ABCB4: variants seen among roughly 807,000 people sequenced by gnomAD.
ABCB4 encodes phosphatidylcholine translocator ABCB4.
ABCB4 carries 76 observed loss-of-function variants against 145.7 expected under a neutral mutation model. The ratio of observed to expected loss-of-function variants is 0.52; its 90% CI spans 0.43 to 0.63. The LOEUF (loss-of-function observed/expected upper bound fraction) is 0.63, where lower values mean the gene tolerates loss of function less well. Ranked by LOEUF, ABCB4 falls within the 30% of genes least tolerant of loss-of-function variation. The pLI is 0.00. For missense variants in ABCB4, 1,234 were observed against 1,553.1 expected (o/e 0.79, Z 3.45); for synonymous variants, 517 against 566.8 (o/e 0.91, Z 1.25).
intron 23 of ABCB4, among the ~76,000 whole-genome samples, chr7:87,410,001 T>C (rs1261267114): frequency 6.6e-6 from 1 of 152,216 alleles, no homozygotes; most frequent in Non-Finnish European, 1.5e-5. Flanking sequence ...TGACATGGTC[T>C]GTACACCAAA....
intron 3 of ABCB4, among the ~76,000 whole-genome samples, chr7:87,471,247 G>A (rs1369559770): frequency 1.4e-4 from 22 of 152,068 alleles, no homozygotes; most frequent in Admixed American, 1.4e-3. Context: ...GATAGCATTA[G>A]GAGATATACC....
chr7:87,467,200 G>A (rs1449900416), intron 3 of ABCB4, among the ~76,000 whole-genome samples: 1 of 152,160 alleles, frequency 6.6e-6, no homozygotes, highest in African/African-American at 2.4e-5. Context: ...AAGGGATGGA[G>A]GAAGATCTAC....
At chr7:87,467,766 G>A (rs1813028704) in intron 3 of ABCB4, among the ~76,000 whole-genome samples, 1 of 152,156 alleles carries the variant, frequency 6.6e-6, no homozygotes, top group African/African-American at 2.4e-5. Context: ...CAACTACATG[G>A]AAACTGAACA....
chr7:87,426,789 T>C lies in ABCB4; in HGVS notation c.2025A>G (p.Gln675=). ...HSTQKNLKNS[Q]MCQKSLDVET... Reference sequence around the variant, plus strand: ...CCACATCAAGGCTCTTCTGACACATTTGTGAATTTTTAAGGTTTTTCTGAG... The same window carrying C: ...CCACATCAAGGCTCTTCTGACACATCTGTGAATTTTTAAGGTTTTTCTGAG... The change falls in exon 16 of 28, where the codon CAA becomes CAG. Residue 675 remains glutamine, a synonymous_variant. Transcript: ENST00000649586. 1.2e-6 allele frequency: 2 copies of C among 1,613,958 alleles called. No homozygotes were observed. The highest frequency in any genetic ancestry group is 1.1e-5 in the South Asian group (1 of 91,082).
chr7:87,415,859 G>A (rs1331087099), intron 21 of ABCB4, among the ~76,000 whole-genome samples: 2 of 152,314 alleles, frequency 1.3e-5, no homozygotes, highest in Non-Finnish European at 2.9e-5. Context: ...ACTTGTCTAA[G>A]AAAAGTTTAT....
intron 11 of ABCB4, 68 bp downstream of exon 11, chr7:87,443,595 C>G: frequency 6.5e-7 from 1 of 1,536,984 alleles, no homozygotes; most frequent in Non-Finnish European, 9.0e-7. Flanking sequence ...ATAATAGAGA[C>G]TTTATTCTTT....
chr7:87,393,211 T>C, the ABCB4 span: 2 of 873,354 alleles, frequency 2.3e-6, no homozygotes, highest in Non-Finnish European at 3.5e-6. Flanking sequence ...CACTTAGGCA[T>C]TTAATGCATA....
upstream of ABCB4, chr7:87,475,849 G>A (rs1446891707): frequency 6.5e-6 from 1 of 153,164 alleles, no homozygotes; most frequent in African/African-American, 2.4e-5. Flanking sequence ...GGCTAGGCGC[G>A]GGCCAGGGGC....
At chr7:87,470,486 A>T (rs1813289696) in intron 3 of ABCB4, among the ~76,000 whole-genome samples, 1 of 152,192 alleles carries the variant, frequency 6.6e-6, no homozygotes, top group Non-Finnish European at 1.5e-5. Context: ...ACAAAGGGCT[A>T]GTATCCAGAA....
At position 87,454,576 on chromosome 7, in the gene ABCB4, C is replaced by A; in HGVS notation, c.303G>T (p.Ser101=). The A allele has an allele frequency of 6.2e-7, 1 of 1,610,506 alleles. No individual in the cohort carries two copies. Among genetic ancestry groups the A allele is most frequent in the East Asian group, 2.2e-5 (1 of 44,742 alleles). ...NFSFPVNFSL[S]LLNPGKILEE... is the part of the protein sequence containing the mutation. Reference sequence around the variant, plus strand: ...CCAGAATTTTGCCTGGATTTAGCAGCGACAAGGAAAAGTTCACTAAATTAA... The same window carrying A: ...CCAGAATTTTGCCTGGATTTAGCAGAGACAAGGAAAAGTTCACTAAATTAA... The change falls in exon 5 of 28, where the codon TCG becomes TCT. Residue 101 remains serine, a synonymous_variant. Coordinates refer to ENST00000649586, the MANE Select transcript of ABCB4 (RefSeq NM_000443.4).
chr7:87,368,437 G>T, the ABCB4 span, among the ~76,000 whole-genome samples: 252 of 152,216 alleles, frequency 1.7e-3, no homozygotes, highest in Middle Eastern at 3.4e-3. Flanking sequence ...TGAAGGGGAA[G>T]AAAGAAGAAA....
intron 3 of ABCB4, 41 bp downstream of exon 3, chr7:87,472,580 T>G (rs1211280327): frequency 6.6e-7 from 1 of 1,517,372 alleles, no homozygotes; most frequent in African/African-American, 1.4e-5. Flanking sequence ...CAAATTTGAA[T>G]AAAAGGTAGG....
intron 4 of ABCB4, among the ~76,000 whole-genome samples, chr7:87,458,987 T>TTAAA (rs755312872): frequency 8.3e-6 from 1 of 120,688 alleles, no homozygotes; most frequent in African/African-American, 3.0e-5. Flanking sequence ...AGGCACAAGT[T>TTAAA]AAAAAAAAAA....
intron 3 of ABCB4, among the ~76,000 whole-genome samples, chr7:87,463,869 T>G (rs907627051): frequency 6.6e-6 from 1 of 152,196 alleles, no homozygotes; most frequent in East Asian, 1.9e-4. Context: ...TGTTACTGTC[T>G]TATTAGTCCT....
chr7:87,379,772 G>T, the ABCB4 span, among the ~76,000 whole-genome samples: 1 of 152,162 alleles, frequency 6.6e-6, no homozygotes, highest in Non-Finnish European at 1.5e-5. Context: ...AACCTAAGAT[G>T]ATTATAGAGG....
intron 14 of ABCB4, among the ~76,000 whole-genome samples, chr7:87,433,617 T>C (rs1254907920): frequency 6.6e-6 from 1 of 151,372 alleles, no homozygotes; most frequent in Admixed American, 6.6e-5. Context: ...TAAGCAACTG[T>C]CACCTTTGAC....
chr7:87,445,124 G>A, intron 9 of ABCB4, 149 bp from the exon 10 acceptor site: 2 of 636,008 alleles, frequency 3.1e-6, no homozygotes, highest in Non-Finnish European at 5.5e-6. Flanking sequence ...CATTTGCAAG[G>A]CTAATATAGC....
chr7:87,464,811 C>T (rs1217045619), intron 3 of ABCB4, among the ~76,000 whole-genome samples: 1 of 152,168 alleles, frequency 6.6e-6, no homozygotes. Context: ...ATGAAAATTT[C>T]TGTTCCTACA....
chr7:87,472,852 C>T (rs564077065), intron 2 of ABCB4, among the ~76,000 whole-genome samples, 177 bp from the exon 3 acceptor site: 1 of 152,248 alleles, frequency 6.6e-6, no homozygotes, highest in South Asian at 2.1e-4. Context: ...AAGTAACTGT[C>T]GAAGGTACTA....
Sources: allele counts gnomAD v4.1 joint callset (sites outside exome capture counted in the v4.1 genomes callset), GRCh38; gene constraint gnomAD v4.1.1; transcripts MANE v1.5; gene names NCBI Gene and HGNC (gene_info 2026-07-23, HGNC 2026-07-21).